FRAS1: variants seen among roughly 807,000 people sequenced by gnomAD.
FRAS1 encodes the protein extracellular matrix organizing protein FRAS1.
A neutral mutation model predicts 435.2 loss-of-function variants in FRAS1; 290 were observed. That is an observed-to-expected ratio of 0.67 (90% confidence interval 0.61 to 0.73). FRAS1 has a LOEUF of 0.73. Among genes scored for constraint, FRAS1 ranks in the 30% least tolerant of loss-of-function variants. The probability of loss-of-function intolerance (pLI) is 0.00; values close to 1 mark genes in which losing one functional copy is unlikely to be tolerated. For missense variants in FRAS1, 4,860 were observed against 5,001.5 expected, an observed-to-expected ratio of 0.97 and a Z score of 0.85; for synonymous variants, 1,800 against 1,851.0, an observed-to-expected ratio of 0.97 and a Z score of 0.71.
intron 38 of FRAS1, among the ~76,000 whole-genome samples, chr4:78,435,182 G>A (rs1734367541): frequency 1.3e-5 from 2 of 152,172 alleles, no homozygotes; most frequent in African/African-American, 4.8e-5. Flanking sequence ...TTGAGCCCAG[G>A]AGGTTGAGGC....
At chr4:78,521,795 C>A (rs1721395128) in intron 68 of FRAS1, among the ~76,000 whole-genome samples, 165 bp downstream of exon 68, 1 of 152,100 alleles carries the variant, frequency 6.6e-6, no homozygotes, top group African/African-American at 2.4e-5. Context: ...TTTTGTCACA[C>A]CGTTCAGAAA....
chr4:78,375,347 C>T (rs574259645), intron 25 of FRAS1, among the ~76,000 whole-genome samples: 5 of 152,246 alleles, frequency 3.3e-5, no homozygotes, highest in South Asian at 2.1e-4. Context: ...TATTAATGTT[C>T]CCATTTTTAA....
chr4:78,294,088 G>A (rs544130810), intron 14 of FRAS1, among the ~76,000 whole-genome samples: 38 of 152,178 alleles, frequency 2.5e-4, no homozygotes, highest in Non-Finnish European at 5.0e-4. Flanking sequence ...TAGCTAGACT[G>A]TATGGCATAC....
chr4:78,534,463 T>TCTAAA lies in FRAS1; in HGVS notation c.10940_10941insCTAAA (p.Ala3648Ter). 1 of 1,612,624 alleles carries TCTAAA rather than the reference T, an allele frequency of 6.2e-7. No individual in the cohort carries two copies. The highest frequency in any genetic ancestry group is 1.7e-5 in the Admixed American group (1 of 59,846). On this transcript the variant is annotated stop_gained and frameshift_variant, in exon 71 of 74. Transcript: ENST00000512123. LOFTEE classifies it high-confidence loss of function. ...CTTGCATTTAGATTCCTGATACCCA[T>TCTAAA]TGCATTCCAGCAGACCAACCGCCCT...
chr4:78,370,440 A>C (rs752921681), intron 23 of FRAS1, among the ~76,000 whole-genome samples: 1 of 152,188 alleles, frequency 6.6e-6, no homozygotes, highest in Non-Finnish European at 1.5e-5. Context: ...GTGAAGCTCT[A>C]GTAATGTTGG....
intron 2 of FRAS1, among the ~76,000 whole-genome samples, chr4:78,157,148 C>A (rs918930376): frequency 6.6e-6 from 1 of 152,192 alleles, no homozygotes; most frequent in African/African-American, 2.4e-5. Flanking sequence ...CTGCAAATGA[C>A]ATGATTTCAC....
At chr4:78,254,505 C>T (rs1725696187) in intron 5 of FRAS1, among the ~76,000 whole-genome samples, 1 of 152,114 alleles carries the variant, frequency 6.6e-6, no homozygotes, top group Admixed American at 6.5e-5. Flanking sequence ...ACATTTTGGG[C>T]TAAAAAACCA....
chr4:78,066,314 C>G (rs965021314), intron 2 of FRAS1, among the ~76,000 whole-genome samples: 1 of 152,106 alleles, frequency 6.6e-6, no homozygotes, highest in East Asian at 1.9e-4. Flanking sequence ...AGATCCCATC[C>G]TTTTGTCAGA....
chr4:78,449,102 T>G (rs181622196), intron 44 of FRAS1, among the ~76,000 whole-genome samples: 27 of 152,342 alleles, frequency 1.8e-4, no homozygotes, highest in Non-Finnish European at 3.5e-4. Flanking sequence ...TGTTACTGTT[T>G]CATGGATGCT....
chr4:78,529,207 C>T (rs893076436), intron 70 of FRAS1, among the ~76,000 whole-genome samples: 5 of 151,690 alleles, frequency 3.3e-5, no homozygotes, highest in African/African-American at 1.2e-4. Context: ...CCAGGAAGCA[C>T]CATAGTTAGC....
intron 36 of FRAS1, 24 bp from the exon 37 acceptor site, chr4:78,430,268 C>G: frequency 1.2e-6 from 2 of 1,613,564 alleles, no homozygotes; most frequent in South Asian, 1.1e-5. Flanking sequence ...TCTCTCTCAC[C>G]ACGCTTCCTT....
At chr4:78,163,575 C>G (rs2110027418) in intron 2 of FRAS1, among the ~76,000 whole-genome samples, 1 of 152,222 alleles carries the variant, frequency 6.6e-6, no homozygotes, top group East Asian at 1.9e-4. Context: ...GAATGCCATC[C>G]CCTGCCCTAC....
intron 2 of FRAS1, among the ~76,000 whole-genome samples, chr4:78,216,810 T>G (rs1578190017): frequency 6.6e-6 from 1 of 151,462 alleles, no homozygotes; most frequent in Non-Finnish European, 1.5e-5. Context: ...ATCTTAAGAG[T>G]GAGAGGAAGT....
At chr4:78,494,557 C>T (rs1186494337) in intron 59 of FRAS1, among the ~76,000 whole-genome samples, 1 of 152,140 alleles carries the variant, frequency 6.6e-6, no homozygotes, top group African/African-American at 2.4e-5. Context: ...AGAATTCATT[C>T]AATCCTGTGA....
At chr4:78,336,497 T>C (rs1310769724) in intron 19 of FRAS1, among the ~76,000 whole-genome samples, 1 of 152,200 alleles carries the variant, frequency 6.6e-6, no homozygotes, top group Non-Finnish European at 1.5e-5. Flanking sequence ...AATATTCTGA[T>C]AGGGAGGAAG....
Position 78,540,639 on chromosome 4 carries a change from C to G in FRAS1, c.11554C>G (p.Arg3852Gly). 1 of 1,600,866 alleles carries G rather than the reference C, an allele frequency of 6.2e-7. No homozygotes were observed. Among genetic ancestry groups the G allele is most frequent in the Non-Finnish European group, 8.5e-7 (1 of 1,173,116 alleles). ...RSLTAPLRRN[R>G]RDLVEPDGQL... Reference sequence around the variant, plus strand: ...TCTCACAGCTCCACTCAGACGCAACCGAAGGGACCTGGTAGAGCCCGATGG... The same window carrying G: ...TCTCACAGCTCCACTCAGACGCAACGGAAGGGACCTGGTAGAGCCCGATGG... Residue 3852 changes from arginine (R) to glycine (G), a missense_variant, in exon 74 of 74, where the codon CGA (arginine) becomes GGA (glycine). Coordinates refer to ENST00000512123, the MANE Select transcript of FRAS1 (RefSeq NM_025074.7).
intron 61 of FRAS1, among the ~76,000 whole-genome samples, chr4:78,506,528 A>T (rs1720849538): frequency 7.4e-6 from 1 of 135,366 alleles, no homozygotes; most frequent in Non-Finnish European, 1.6e-5. Context: ...GCAGCGAGCA[A>T]AGCTCCATGG....
At chr4:78,398,690 G>A (rs6847138) in intron 29 of FRAS1, among the ~76,000 whole-genome samples, 68,432 of 152,052 alleles carry the variant, frequency 0.45, 16,476 homozygotes, top group African/African-American at 0.63. Context: ...ATTTCTAACA[G>A]TTAAGAAACC....
chr4:78,472,856 A>T (rs1467875463), intron 52 of FRAS1, among the ~76,000 whole-genome samples: 1 of 152,170 alleles, frequency 6.6e-6, no homozygotes, highest in East Asian at 1.9e-4. Flanking sequence ...TTTTTTCAGG[A>T]TTGACTTGAC....
Sources: gnomAD v4.1 joint callset for allele counts (sites outside exome capture counted in the v4.1 genomes callset) on GRCh38, gnomAD v4.1.1 for gene constraint, MANE v1.5 for transcripts, NCBI Gene and HGNC (gene_info 2026-07-23, HGNC 2026-07-21) for gene names.